SPTLC3: variants seen among roughly 807,000 people sequenced by gnomAD.
SPTLC3 encodes serine palmitoyltransferase long chain base subunit 3, also known as serine palmitoyltransferase 3.
In SPTLC3, 36 loss-of-function variants were observed where a neutral mutation model predicts 59.3. The observed-to-expected ratio is 0.61, with a 90% confidence interval of 0.47 to 0.80. The LOEUF (loss-of-function observed/expected upper bound fraction) is 0.80. SPTLC3 is among the 30% of genes least tolerant of loss of function. The pLI is 0.00. For missense variants in SPTLC3, 625 were observed against 685.1 expected (o/e 0.91, Z 0.98); for synonymous variants, 257 against 240.8 (o/e 1.07, Z -0.62).
At chr20:13,052,168 G>A (rs1344388627) in intron 2 of SPTLC3, among the ~76,000 whole-genome samples, 1 of 152,106 alleles carries the variant, frequency 6.6e-6, no homozygotes, top group Non-Finnish European at 1.5e-5. Context: ...TCCAACTGAG[G>A]TACGGGGCTC....
intron 2 of SPTLC3, among the ~76,000 whole-genome samples, chr20:13,071,583 G>A (rs1187922922): frequency 2.6e-5 from 4 of 152,102 alleles, no homozygotes; most frequent in African/African-American, 7.2e-5. Context: ...TCAAATGAGC[G>A]CCGGCAATGA....
intron 9 of SPTLC3, among the ~76,000 whole-genome samples, chr20:13,141,638 G>A (rs905134825): frequency 2.0e-5 from 3 of 152,234 alleles, no homozygotes; most frequent in Non-Finnish European, 2.9e-5. Context: ...ATTGTTGACA[G>A]AGGAGCTAGC....
intron 4 of SPTLC3, among the ~76,000 whole-genome samples, chr20:13,079,287 T>C (rs1988757099): frequency 1.3e-5 from 2 of 152,102 alleles, no homozygotes; most frequent in South Asian, 4.2e-4. Context: ...GATAGCAACA[T>C]TGCACTCTCA....
At chr20:13,022,067 C>T (rs1381810882) in intron 1 of SPTLC3, among the ~76,000 whole-genome samples, 2 of 152,152 alleles carry the variant, frequency 1.3e-5, no homozygotes. Context: ...AACTGTGCTC[C>T]TCATGTTTCC....
Position 13,023,501 on chromosome 20 carries a change from C to A in SPTLC3, c.117+14117C>A, listed in dbSNP as rs6041773. On this transcript the variant is annotated intron_variant, in intron 1 of 11. Transcript: ENST00000399002. ...AATGAATAAAGACTATCTGTTTTTA[C>A]AAATCTGTTCTTTGCAAGAACTCCC... Among the ~76,000 whole-genome samples the A allele has an allele frequency of 4.6e-5, 7 of 152,226 alleles. No homozygotes were observed. The South Asian group carries it at 1.2e-3, about 27-fold the overall frequency.
intron 8 of SPTLC3, among the ~76,000 whole-genome samples, chr20:13,123,593 G>T (rs984411791): frequency 2.0e-5 from 3 of 152,136 alleles, no homozygotes; most frequent in African/African-American, 7.2e-5. Context: ...TAACTCCTGC[G>T]TTATATTCCC....
chr20:13,073,898 G>T, intron 3 of SPTLC3: 1 of 553,006 alleles, frequency 1.8e-6, no homozygotes, highest in Non-Finnish European at 3.6e-6. Context: ...CCTGTTTGTT[G>T]GTTCCCAGAG....
intron 2 of SPTLC3, among the ~76,000 whole-genome samples, chr20:13,057,036 G>C (rs6041825): frequency 0.25 from 38,291 of 151,976 alleles, 5,581 homozygotes; most frequent in African/African-American, 0.41. Context: ...CACCGCACCT[G>C]GCTCCCTTTA....
chr20:13,049,447 A>G (rs899441889), intron 2 of SPTLC3: 7 of 244,052 alleles, frequency 2.9e-5, no homozygotes, highest in African/African-American at 1.6e-4. Flanking sequence ...ACATCAAAAT[A>G]TAAAAGCAAG....
intron 1 of SPTLC3, among the ~76,000 whole-genome samples, chr20:13,021,473 A>G (rs6109654): frequency 0.011 from 1,626 of 151,762 alleles, 32 homozygotes; most frequent in African/African-American, 0.037. Flanking sequence ...CCTTCCTCTC[A>G]GTCTTATCTA....
intron 2 of SPTLC3, among the ~76,000 whole-genome samples, chr20:13,061,545 T>C (rs1356584152): frequency 5.9e-5 from 9 of 152,086 alleles, no homozygotes; most frequent in Admixed American, 5.9e-4. Context: ...AAACTGTGGG[T>C]TGAGTTTCCC....
intron 1 of SPTLC3, among the ~76,000 whole-genome samples, chr20:13,028,364 T>C (rs1426830576): frequency 6.6e-6 from 1 of 152,152 alleles, no homozygotes; most frequent in Non-Finnish European, 1.5e-5. Context: ...CAGAATTTCA[T>C]AGACCTGTGA....
chr20:13,031,374 T>C (rs1199724570), intron 1 of SPTLC3, among the ~76,000 whole-genome samples: 1 of 152,202 alleles, frequency 6.6e-6, no homozygotes, highest in African/African-American at 2.4e-5. Context: ...TTGAACAGCA[T>C]AGATCTAAAC....
intron 9 of SPTLC3, among the ~76,000 whole-genome samples, chr20:13,147,078 C>T (rs1214932569): frequency 6.6e-6 from 1 of 152,166 alleles, no homozygotes; most frequent in Non-Finnish European, 1.5e-5. Context: ...AGGGTGTTTT[C>T]CCAGAGCCCT....
chr20:13,114,874 G>A (rs1990446757), intron 7 of SPTLC3, among the ~76,000 whole-genome samples: 1 of 152,150 alleles, frequency 6.6e-6, no homozygotes, highest in Non-Finnish European at 1.5e-5. Context: ...GAAAAGTGGT[G>A]AGAGGGAGAT....
At chr20:13,042,390 TG>T (rs1987026511) in intron 1 of SPTLC3, among the ~76,000 whole-genome samples, 1 of 152,172 alleles carries the variant, frequency 6.6e-6, no homozygotes, top group African/African-American at 2.4e-5. Context: ...TAGCTCTAGG[TG>T]GGGCAATACC....
At chr20:13,141,237 T>A (rs1350388381) in intron 9 of SPTLC3, among the ~76,000 whole-genome samples, 1 of 152,240 alleles carries the variant, frequency 6.6e-6, no homozygotes, top group African/African-American at 2.4e-5. Flanking sequence ...TGCAAACTGT[T>A]GGGAGCTGCA....
intron 1 of SPTLC3, among the ~76,000 whole-genome samples, chr20:13,031,077 A>G (rs1986419041): frequency 6.6e-6 from 1 of 152,170 alleles, no homozygotes; most frequent in African/African-American, 2.4e-5. Flanking sequence ...TGCACCGGAA[A>G]TGCAGCCATA....
chr20:13,131,692 C>G (rs535683575), intron 9 of SPTLC3, among the ~76,000 whole-genome samples: 1 of 152,220 alleles, frequency 6.6e-6, no homozygotes, highest in African/African-American at 2.4e-5. Context: ...CACCTCTCAC[C>G]TGGATTCCTG....
Sources: gnomAD v4.1 joint callset for allele counts (sites outside exome capture counted in the v4.1 genomes callset) on GRCh38, gnomAD v4.1.1 for gene constraint, MANE v1.5 for transcripts, NCBI Gene and HGNC (gene_info 2026-07-23, HGNC 2026-07-21) for gene names.